Variants in DSCAM observed in about 807,000 individuals in gnomAD.
The protein encoded by DSCAM is cell adhesion molecule DSCAM.
DSCAM carries 47 observed loss-of-function variants against 217.7 expected under a neutral mutation model. The ratio of observed to expected loss-of-function variants is 0.22; its 90% CI spans 0.17 to 0.28. The LOEUF is 0.28. Ranked by LOEUF, DSCAM falls within the 10% of genes least tolerant of loss-of-function variation. The probability of loss-of-function intolerance (pLI) is 1.00; values close to 1 mark genes in which losing one functional copy is unlikely to be tolerated. For synonymous variants in DSCAM, 1,056 were observed against 1,015.3 expected, an observed-to-expected ratio of 1.04 and a Z score of -0.76; for missense variants, 2,080 against 2,618.3, an observed-to-expected ratio of 0.79 and a Z score of 4.49.
chr21:40,241,075 CA>C (rs2073146484), intron 11 of DSCAM, among the ~76,000 whole-genome samples: 4 of 152,142 alleles, frequency 2.6e-5, no homozygotes, highest in Admixed American at 2.0e-4. Context: ...GACCTAGGAA[CA>C]GGCAAATATT....
intron 11 of DSCAM, among the ~76,000 whole-genome samples, chr21:40,197,688 CAGTT>C (rs1392073594): frequency 6.6e-6 from 1 of 152,148 alleles, no homozygotes; most frequent in Admixed American, 6.5e-5. Context: ...AGTAGCAGCA[CAGTT>C]AGTTAATAAC....
At chr21:40,407,022 T>C (rs1276968371) in intron 3 of DSCAM, among the ~76,000 whole-genome samples, 1 of 152,146 alleles carries the variant, frequency 6.6e-6, no homozygotes, top group Non-Finnish European at 1.5e-5. Flanking sequence ...AGCTAAAGAA[T>C]ATAAACTTTC....
intron 1 of DSCAM, among the ~76,000 whole-genome samples, chr21:40,750,364 G>A (rs1266496276): frequency 6.6e-6 from 1 of 152,166 alleles, no homozygotes; most frequent in Non-Finnish European, 1.5e-5. Context: ...TGACACTATT[G>A]ATCATGCATG....
intron 1 of DSCAM, among the ~76,000 whole-genome samples, chr21:40,736,718 G>A (rs1454535227): frequency 1.3e-5 from 2 of 152,178 alleles, no homozygotes; most frequent in African/African-American, 4.8e-5. Flanking sequence ...CAGGGACAAA[G>A]ACCAAATATC....
At chr21:40,787,966 T>C (rs906646971) in intron 1 of DSCAM, among the ~76,000 whole-genome samples, 3 of 152,264 alleles carry the variant, frequency 2.0e-5, no homozygotes, top group Middle Eastern at 3.4e-3. Flanking sequence ...ATAAAGAGGA[T>C]TGAAGGCATC....
chr21:40,178,419 T>C (rs1336426634), intron 15 of DSCAM, among the ~76,000 whole-genome samples: 1 of 152,188 alleles, frequency 6.6e-6, no homozygotes, highest in East Asian at 1.9e-4. Flanking sequence ...TTGTTTGTAA[T>C]AGAAAAAAGA....
intron 10 of DSCAM, among the ~76,000 whole-genome samples, chr21:40,282,766 G>T (rs1197593469): frequency 6.6e-6 from 1 of 151,868 alleles, no homozygotes; most frequent in East Asian, 1.9e-4. Context: ...ATTTTCACCA[G>T]AAAAATGCTT....
chr21:40,020,879 C>A (rs1175993794), intron 32 of DSCAM, among the ~76,000 whole-genome samples: 5 of 152,146 alleles, frequency 3.3e-5, no homozygotes, highest in Admixed American at 1.3e-4. Context: ...ATTTGCACAC[C>A]ATGAACCCAC....
At chr21:40,756,076 T>C (rs1360421118) in intron 1 of DSCAM, among the ~76,000 whole-genome samples, 1 of 152,260 alleles carries the variant, frequency 6.6e-6, no homozygotes, top group Non-Finnish European at 1.5e-5. Context: ...ATTTCCAATG[T>C]TGAAGGTGGG....
At chr21:40,443,025 G>T (rs553455431) in intron 3 of DSCAM, among the ~76,000 whole-genome samples, 2 of 152,150 alleles carry the variant, frequency 1.3e-5, no homozygotes, top group Admixed American at 1.3e-4. Flanking sequence ...ATAAGTTCCC[G>T]AGATGCAGAA....
intron 3 of DSCAM, among the ~76,000 whole-genome samples, chr21:40,394,142 G>T (rs1021221837): frequency 6.6e-6 from 1 of 152,090 alleles, no homozygotes; most frequent in Non-Finnish European, 1.5e-5. Context: ...ATCTTGTGGG[G>T]GTCTAAATAC....
intron 11 of DSCAM, among the ~76,000 whole-genome samples, chr21:40,231,418 C>T (rs2091381245): frequency 6.6e-6 from 1 of 152,024 alleles, no homozygotes; most frequent in East Asian, 1.9e-4. Context: ...CACCTATCTC[C>T]CTAGATTTCC....
chr21:40,369,385 C>CGTGTGTGT (rs35564463), intron 3 of DSCAM, 140 bp from the exon 4 acceptor site: 9,832 of 385,324 alleles, frequency 0.026, 224 homozygotes, highest in Admixed American at 0.052. Context: ...CGTGCGTCTG[C>CGTGTGTGT]GTGTGTGTGT....
rs573079020 is a variant in DSCAM, at chr21:40,514,307, C to T, written c.509-145062G>A. ...TGTTTTCACTGAGCCAGGGAGCCAT[C>T]CAATGCTTCATCATCCCAGGGAAAA... On this transcript the variant is annotated intron_variant, in intron 3 of 32. Transcript: ENST00000400454. Among the ~76,000 whole-genome samples, 41 of 152,284 alleles carry T rather than the reference C, an allele frequency of 2.7e-4. No homozygotes were observed. The East Asian group carries it at 5.4e-3, about 20-fold the overall frequency.
intron 3 of DSCAM, among the ~76,000 whole-genome samples, chr21:40,427,930 T>C (rs1179168876): frequency 6.6e-6 from 1 of 152,222 alleles, no homozygotes; most frequent in East Asian, 1.9e-4. Flanking sequence ...TCCCAAATGA[T>C]ACTGATTAAT....
At chr21:40,459,033 T>C (rs147043134) in intron 3 of DSCAM, among the ~76,000 whole-genome samples, 1 of 151,372 alleles carries the variant, frequency 6.6e-6, no homozygotes, top group Non-Finnish European at 1.5e-5. Flanking sequence ...CAAGAAAGGA[T>C]GAAAATAAAT....
At chr21:40,035,226 G>A (rs955426494) in intron 32 of DSCAM, among the ~76,000 whole-genome samples, 4 of 115,586 alleles carry the variant, frequency 3.5e-5, no homozygotes, top group African/African-American at 1.1e-4. Flanking sequence ...TGGCAAATTG[G>A]ATAAAGAGTC....
At chr21:40,255,012 A>G (rs571107664) in intron 11 of DSCAM, among the ~76,000 whole-genome samples, 77 of 152,232 alleles carry the variant, frequency 5.1e-4, no homozygotes, top group African/African-American at 1.7e-3. Flanking sequence ...TCTAATCACA[A>G]TTGCATCTCT....
At chr21:40,122,162 C>A (rs147865945) in intron 20 of DSCAM, among the ~76,000 whole-genome samples, 1 of 152,268 alleles carries the variant, frequency 6.6e-6, no homozygotes, top group Non-Finnish European at 1.5e-5. Flanking sequence ...TCTTCCTTTT[C>A]TATTGTATGT....
Sources: gnomAD v4.1 joint callset for allele counts (sites outside exome capture counted in the v4.1 genomes callset) on GRCh38, gnomAD v4.1.1 for gene constraint, MANE v1.5 for transcripts, NCBI Gene and HGNC (gene_info 2026-07-23, HGNC 2026-07-21) for gene names.